Variants in HMCN1 observed in about 807,000 individuals in gnomAD.
HMCN1 encodes the protein hemicentin 1, also known as hemicentin-1.
In HMCN1, 321 loss-of-function variants were observed where a neutral mutation model predicts 625.9. The observed-to-expected ratio is 0.51, with a 90% CI of 0.47 to 0.56. The LOEUF is 0.56. Among genes scored for constraint, HMCN1 ranks in the 20% least tolerant of loss-of-function variants. The pLI, the probability that HMCN1 is intolerant of heterozygous loss-of-function variation, is 0.00. For synonymous variants in HMCN1, 2,425 were observed against 2,417.6 expected (o/e 1.00, Z -0.09); for missense variants, 6,588 against 6,887.3 (o/e 0.96, Z 1.54).
chr1:185,965,657 T>G, intron 13 of HMCN1, 145 bp from the exon 14 acceptor site: 1 of 694,194 alleles, frequency 1.4e-6, no homozygotes, highest in Non-Finnish European at 2.7e-6. Flanking sequence ...TATGTGCATG[T>G]GCATTACAAG....
intron 1 of HMCN1, among the ~76,000 whole-genome samples, chr1:185,750,630 C>G (rs1654741773): frequency 6.6e-6 from 1 of 152,038 alleles, no homozygotes; most frequent in South Asian, 2.1e-4. Context: ...TAATACTGTT[C>G]CATATCTGAT....
chr1:185,957,047 T>C (rs930099083), intron 11 of HMCN1: 1 of 152,220 alleles, frequency 6.6e-6, no homozygotes, highest in African/African-American at 2.4e-5. Context: ...AATAACACTG[T>C]AGGGAAGTCT....
At chr1:185,823,208 G>A (rs950790950) in intron 1 of HMCN1, among the ~76,000 whole-genome samples, 3 of 151,860 alleles carry the variant, frequency 2.0e-5, no homozygotes, top group African/African-American at 7.3e-5. Context: ...CCTCTAAACT[G>A]GAAATTTTGA....
rs923400525 is a variant in HMCN1 at position 185,837,050 on chromosome 1, T to G, written c.269-8976T>G. 6.0e-5 allele frequency among the ~76,000 whole-genome samples: 9 copies of G among 149,676 alleles called. No homozygotes were observed. The South Asian group carries it at 1.9e-3, about 31-fold the overall frequency. On this transcript the variant is annotated intron_variant, in intron 1 of 106. Transcript: ENST00000271588. ...TGTGTGTATATATAAAATATATATATAAATATATATATATGTGTCACATTT... is the reference window on the plus strand; with the variant it reads ...TGTGTGTATATATAAAATATATATAGAAATATATATATATGTGTCACATTT...
At chr1:185,882,828 G>A (rs1184217354) in intron 4 of HMCN1, among the ~76,000 whole-genome samples, 1 of 151,888 alleles carries the variant, frequency 6.6e-6, no homozygotes, top group Admixed American at 6.6e-5. Context: ...AAAAATCAAG[G>A]CCTAAAAATG....
rs1657384809 is a variant in HMCN1 at position 186,057,129 on chromosome 1, A to G, written c.7145-105A>G. ...ATCAGAAAATGGAAGTCTTATTAAC[A>G]TACACTGTTTAGGATTTGATGTTTG... On this transcript the variant is annotated intron_variant, in intron 45 of 106. Coordinates refer to ENST00000271588, the MANE Select transcript of HMCN1 (RefSeq NM_031935.3). 8.6e-6 allele frequency: 8 copies of G among 927,968 alleles called. No individual in the cohort carries two copies. The South Asian group carries it at 9.6e-5, about 11-fold the overall frequency. 57.5% of individuals were successfully genotyped at this position (927,968 alleles called of 1,614,324 possible).
chr1:185,954,104 G>A (rs899289052), intron 11 of HMCN1, among the ~76,000 whole-genome samples: 9 of 151,944 alleles, frequency 5.9e-5, no homozygotes, highest in Non-Finnish European at 8.8e-5. Context: ...TTAAGGTGGG[G>A]CAGGGCATAT....
intron 36 of HMCN1, among the ~76,000 whole-genome samples, chr1:186,024,885 C>T (rs1279447295): frequency 4.6e-5 from 7 of 152,168 alleles, no homozygotes; most frequent in Non-Finnish European, 1.0e-4. Context: ...ACAATTTTCC[C>T]ACAGACTAGG....
intron 1 of HMCN1, among the ~76,000 whole-genome samples, chr1:185,749,768 C>T (rs984813711): frequency 6.6e-6 from 1 of 152,194 alleles, no homozygotes; most frequent in Non-Finnish European, 1.5e-5. Flanking sequence ...CCAGAAGGAT[C>T]GTTTTAAAAT....
intron 58 of HMCN1, 31 bp from the exon 59 acceptor site, chr1:186,087,186 A>C (rs756555887): frequency 2.2e-6 from 3 of 1,344,914 alleles, no homozygotes; most frequent in Non-Finnish European, 3.2e-6. Flanking sequence ...CCTGTATACC[A>C]CTCTACAATT....
chr1:185,943,183 C>T (rs1668169305), intron 11 of HMCN1, among the ~76,000 whole-genome samples: 1 of 152,088 alleles, frequency 6.6e-6, no homozygotes, highest in African/African-American at 2.4e-5. Flanking sequence ...TTCCTGCGCT[C>T]CGAGAGCTAC....
At chr1:185,781,881 G>A (rs138530828) in intron 1 of HMCN1, among the ~76,000 whole-genome samples, 205 of 152,286 alleles carry the variant, frequency 1.3e-3, no homozygotes, top group African/African-American at 4.6e-3. Flanking sequence ...GTGCAGAGCC[G>A]AATTCAATTC....
chr1:185,792,495 G>GACAC (rs1161590836), intron 1 of HMCN1, among the ~76,000 whole-genome samples: 2 of 150,592 alleles, frequency 1.3e-5, no homozygotes, highest in African/African-American at 5.0e-5. Context: ...GCTCCAAAAA[G>GACAC]ACACAATATC....
At chr1:186,115,653 G>T (rs111436588) in intron 75 of HMCN1, among the ~76,000 whole-genome samples, 1,920 of 152,130 alleles carry the variant, frequency 0.013, 46 homozygotes, top group African/African-American at 0.038. Context: ...TATAGGATTA[G>T]ATTTATATCC....
intron 1 of HMCN1, among the ~76,000 whole-genome samples, chr1:185,808,308 C>G (rs946979568): frequency 6.6e-5 from 10 of 152,068 alleles, no homozygotes; most frequent in Non-Finnish European, 1.3e-4. Context: ...GATCATGCCA[C>G]TGCACTCCAG....
rs1412138754 is a variant in HMCN1, at chr1:185,982,384, G to T, written c.2785G>T (p.Ala929Ser). The T allele has an allele frequency of 6.2e-7, 1 of 1,612,978 alleles. No individual in the cohort carries two copies. Among genetic ancestry groups the T allele is most frequent in the East Asian group, 2.2e-5 (1 of 44,834 alleles). The change falls in exon 18 of 107, where the codon GCT (alanine) becomes TCT (serine). Residue 929 changes from alanine (A) to serine (S), a missense_variant. Physicochemically the swap from Ala to Ser is moderately conservative, Grantham distance 99. Around this residue, in one of 3 missense-constraint regions of HMCN1, gnomAD observed 4,628 missense variants for 4,853.1 expected, o/e 0.95. Transcript: ENST00000271588. ...IPERRWIKNS[A>S]MLLQNPYITV... is the part of the protein sequence containing the mutation. The stretch of plus-strand genomic sequence containing the variant: ...AGAACGTCGGTGGATTAAGAATTCA[G>T]CTATGGTAAGAACATTTTAAATGCA...
In HMCN1 at chr1:186,015,398, G is replaced by T. The variant is rs1284980325; in HGVS notation, c.4870G>T (p.Ala1624Ser). ...ATATACGTGTCATGTAGCCAATGTTGCTGGAACTGCTGAAAAATCATTCCA... is the reference window on the plus strand; with the variant it reads ...ATATACGTGTCATGTAGCCAATGTTTCTGGAACTGCTGAAAAATCATTCCA... ...ATYTCHVANV[A>S]GTAEKSFHVD... The change falls in exon 31 of 107, where the codon GCT becomes TCT. Residue 1624 changes from alanine to serine, a missense_variant. Physicochemically the swap from Ala to Ser is moderately conservative, Grantham distance 99. Around this residue, in one of 3 missense-constraint regions of HMCN1, gnomAD observed 4,628 missense variants for 4,853.1 expected, o/e 0.95. Coordinates refer to ENST00000271588, the MANE Select transcript of HMCN1 (RefSeq NM_031935.3). 2 of 1,613,580 alleles carry T rather than the reference G, an allele frequency of 1.2e-6. No individual in the cohort carries two copies. Among genetic ancestry groups the T allele is most frequent in the Non-Finnish European group, 1.7e-6 (2 of 1,179,690 alleles).
At chr1:185,983,545 G>A (rs1413214435) in intron 18 of HMCN1, among the ~76,000 whole-genome samples, 1 of 152,196 alleles carries the variant, frequency 6.6e-6, no homozygotes, top group African/African-American at 2.4e-5. Flanking sequence ...AAAAATAAAT[G>A]TCCTTGCAGA....
chr1:186,161,719 T>C (rs949576016), intron 97 of HMCN1, among the ~76,000 whole-genome samples: 1 of 152,100 alleles, frequency 6.6e-6, no homozygotes, highest in African/African-American at 2.4e-5. Flanking sequence ...GGTTGAAAAT[T>C]CTTTTCTTTA....
Sources: allele counts gnomAD v4.1 joint callset (sites outside exome capture counted in the v4.1 genomes callset), GRCh38; gene constraint gnomAD v4.1.1; regional missense constraint gnomAD v4.1.1; transcripts MANE v1.5; gene names NCBI Gene and HGNC (gene_info 2026-07-23, HGNC 2026-07-21).